KRT36: variants seen among roughly 807,000 people sequenced by gnomAD.
The protein encoded by KRT36 is keratin 36, also known as keratin, type I cuticular Ha6.
Under a neutral mutation model 43.0 loss-of-function variants are expected in KRT36, and 41 were observed. The observed-to-expected ratio is 0.95, with a 90% CI of 0.74 to 1.24. The LOEUF is 1.24. Ranked by LOEUF, KRT36 falls within the 50% of genes most tolerant of loss-of-function variation. KRT36 has a pLI of 0.00. For synonymous variants in KRT36, 277 were observed against 252.9 expected, an observed-to-expected ratio of 1.10 and a Z score of -0.90; for missense variants, 627 against 595.3, an observed-to-expected ratio of 1.05 and a Z score of -0.55.
At chr17:41,487,830 AC>A in intron 3 of KRT36, 93 bp from the exon 4 acceptor site, 1 of 1,273,242 alleles carries the variant, frequency 7.9e-7, no homozygotes, top group Non-Finnish European at 1.1e-6. Context: ...TCCCTCAGTC[AC>A]CAGCTGCATA....
At position 41,487,751 on chromosome 17, in the gene KRT36, G is replaced by A. The variant is rs752102922; in HGVS notation, c.700-14C>T. 6 of 1,597,638 alleles carry A rather than the reference G, an allele frequency of 3.8e-6. No individual in the cohort carries two copies. The African/African-American group carries it at 5.4e-5, about 14-fold the overall frequency. ...TACACTGACTTCCTGCAGAGAGGAG[G>A]CAAGACGGCATGAGGTTGTGAAAAA... On this transcript the variant is annotated splice_polypyrimidine_tract_variant and intron_variant, in intron 3 of 6. Coordinates refer to ENST00000328119, the MANE Select transcript of KRT36 (RefSeq NM_003771.5).
At chr17:41,488,166 A>G (rs775122417) in intron 3 of KRT36, 77 bp downstream of exon 3, 61 of 1,433,012 alleles carry the variant, frequency 4.3e-5, no homozygotes, top group Middle Eastern at 4.9e-4. Flanking sequence ...TTCCTGCCGC[A>G]CAGAAAACTG....
Position 41,488,336 on chromosome 17 carries a change from G to A in KRT36, c.606C>T (p.Ile202=), listed in dbSNP as rs529638648. 6 of 1,614,132 alleles carry A rather than the reference G, an allele frequency of 3.7e-6. No homozygotes were observed. In the East Asian group the frequency reaches 8.9e-5, roughly 24 times the overall value. Residue 202 remains isoleucine (I), a synonymous_variant, in exon 3 of 7, where the codon ATC becomes ATT. Coordinates refer to ENST00000328119, the MANE Select transcript of KRT36 (RefSeq NM_003771.5). The part of the protein sequence containing the change: ...VEADINGLRR[I]LDELTLCKAD... ...CCTTGCACAGGGTCAGCTCATCCAG[G>A]ATCCTACGCAGGCCGTTGATGTCGG...
chr17:41,487,675 G>A lies in KRT36; in HGVS notation c.762C>T (p.Pro254=), dbSNP rs1274697338. 1.2e-6 allele frequency: 2 copies of A among 1,614,166 alleles called. No homozygotes were observed. The highest frequency in any genetic ancestry group is 2.2e-5 in the East Asian group (1 of 44,880). Residue 254 remains proline (P), a synonymous_variant, in exon 4 of 7, where the codon CCC becomes CCT. Transcript: ENST00000328119. ...DRLNVEVDAA[P]PVDLNKILED... ...CCAGGATCTTGTTGAGATCCACTGG[G>A]GGAGCAGCGTCCACCTCCACATTCA...
At chr17:41,487,797 A>G in intron 3 of KRT36, 60 bp from the exon 4 acceptor site, 3 of 1,529,168 alleles carry the variant, frequency 2.0e-6, no homozygotes, top group Non-Finnish European at 2.7e-6. Flanking sequence ...TGCAGGTTTC[A>G]ATGACCTGAA....
At position 41,488,290 on chromosome 17, in the gene KRT36, C is replaced by T; in HGVS notation, c.652G>A (p.Glu218Lys). 1.2e-6 allele frequency: 2 copies of T among 1,614,186 alleles called. No homozygotes were observed. Among genetic ancestry groups the T allele is most frequent in the Non-Finnish European group, 1.7e-6 (2 of 1,180,018 alleles). The change falls in exon 3 of 7, where the codon GAG becomes AAG. Residue 218 changes from glutamate (E) to lysine (K), a missense_variant. Transcript: ENST00000328119. Reference protein sequence around the residue: ...LCKADLEAQVESLKEELMCLK... With the variant: ...LCKADLEAQVKSLKEELMCLK... ...CACATCAGCTCCTCCTTCAGGGACT[C>T]CACCTGAGCCTCCAGGTCAGCCTTG...
chr17:41,488,187 A>AGT (rs1904457709), intron 3 of KRT36, 56 bp downstream of exon 3: 1 of 1,555,878 alleles, frequency 6.4e-7, no homozygotes, highest in South Asian at 1.2e-5. Context: ...AAAGCCCAGC[A>AGT]GTGGCTTCCT....
chr17:41,488,192 C>T (rs773294049), intron 3 of KRT36, 51 bp downstream of exon 3: 1 of 1,575,410 alleles, frequency 6.3e-7, no homozygotes, highest in African/African-American at 1.4e-5. Flanking sequence ...CCAGCAGTGG[C>T]TTCCTAAGCT....
At position 41,487,630 on chromosome 17, in the gene KRT36, G is replaced by A. The variant is rs377260475; in HGVS notation, c.807C>T (p.Tyr269=). The change falls in exon 4 of 7, where the codon TAC becomes TAT. Residue 269 remains tyrosine, a synonymous_variant. Transcript: ENST00000328119. ...TGCGGTTATTCTCCACCAGGGCCTC[G>A]TACTGGCATCTCATATCCTCCAGGA... ...NKILEDMRCQ[Y]EALVENNRRD... 65 of 1,614,038 alleles carry A rather than the reference G, an allele frequency of 4.0e-5. No homozygotes were observed. The highest frequency in any genetic ancestry group is 5.3e-5 in the African/African-American group (4 of 74,914).
intron 1 of KRT36, among the ~76,000 whole-genome samples, chr17:41,489,172 C>T (rs1197780594): frequency 6.6e-6 from 1 of 152,186 alleles, no homozygotes; most frequent in Non-Finnish European, 1.5e-5. Context: ...GTACATGTTC[C>T]TTCCCTTCCT....
At chr17:41,489,281 G>A in intron 1 of KRT36, 125 bp downstream of exon 1, 1 of 1,043,686 alleles carries the variant, frequency 9.6e-7, no homozygotes, top group Non-Finnish European at 1.4e-6. Context: ...GCCCTAGAGA[G>A]AAAAGTTTGC....
Position 41,488,365 on chromosome 17 carries a change from C to G in KRT36, c.577G>C (p.Glu193Gln), listed in dbSNP as rs1457299861. 8.1e-6 allele frequency: 13 copies of G among 1,614,196 alleles called. No homozygotes were observed. Among genetic ancestry groups the G allele is most frequent in the Non-Finnish European group, 1.1e-5 (13 of 1,180,018 alleles). The change falls in exon 3 of 7, where the codon GAG (glutamate) becomes CAG (glutamine). Residue 193 changes from glutamate to glutamine, a missense_variant. Coordinates refer to ENST00000328119, the MANE Select transcript of KRT36 (RefSeq NM_003771.5). The stretch of plus-strand genomic sequence containing the variant: ...CTACGCAGGCCGTTGATGTCGGCCT[C>G]CACTAGCTGCCGCAGAGACAGCTCT... ...ETELSLRQLV[E>Q]ADINGLRRIL...
chr17:41,488,515 C>T, intron 2 of KRT36, 116 bp from the exon 3 acceptor site: 2 of 1,501,368 alleles, frequency 1.3e-6, no homozygotes, highest in Non-Finnish European at 1.8e-6. Flanking sequence ...ACACTCCTTT[C>T]CCCTGAGGTC....
In KRT36 at chr17:41,487,456, C is replaced by T; in HGVS notation, c.882G>A (p.Gln294=). 1 of 1,614,206 alleles carries T rather than the reference C, an allele frequency of 6.2e-7. No homozygotes were observed. ...FNTQTEELNQ[Q]VVSSSEQLQC... is the part of the protein sequence containing the mutation. ...GCAGCTGCTCCGAGCTGGACACCAC[C>T]TGCTGGTTCAGCTCCTCAGTCTGAA... The change falls in exon 5 of 7, where the codon CAG becomes CAA. Residue 294 remains glutamine (Q), a synonymous_variant. Coordinates refer to ENST00000328119, the MANE Select transcript of KRT36 (RefSeq NM_003771.5).
chr17:41,489,741 G>A lies in KRT36; in HGVS notation c.124C>T (p.Leu42Phe). 1.2e-6 allele frequency: 2 copies of A among 1,614,064 alleles called. No individual in the cohort carries two copies. Among genetic ancestry groups the A allele is most frequent in the East Asian group, 4.5e-5 (2 of 44,864 alleles). Residue 42 changes from leucine (L) to phenylalanine (F), a missense_variant, in exon 1 of 7, where the codon CTC becomes TTC. By Grantham distance (22) the Leu-to-Phe change is conservative (BLOSUM62 0). Coordinates refer to ENST00000328119, the MANE Select transcript of KRT36 (RefSeq NM_003771.5). ...GAGATGTACCCTGCAGCACCGGCGA[G>A]ACTGGGGACCCTGCAGGAGCCCACA... ...RSVGSCRVPSLAGAAGYISSA... is the reference protein window; with the variant it reads ...RSVGSCRVPSFAGAAGYISSA...
In KRT36 at chr17:41,486,803, A is replaced by G. The variant is rs554396972; in HGVS notation, c.1208+147T>C. On this transcript the variant is annotated intron_variant, in intron 6 of 6. Coordinates refer to ENST00000328119, the MANE Select transcript of KRT36 (RefSeq NM_003771.5). ...GTTGGGTTGGATTCTCCCGCTGTGC[A>G]TTACCAAAGCCTGGGACTAAATGGA... 22 of 785,380 alleles carry G rather than the reference A, an allele frequency of 2.8e-5. No individual in the cohort carries two copies. The African/African-American group carries it at 3.7e-4, about 13-fold the overall frequency. The allele number at this position is 785,380 out of a possible 1,614,324, so 48.7% of individuals were successfully genotyped here.
rs554898299 is a variant in KRT36 at position 41,488,115 on chromosome 17, G to A, written c.699+128C>T. On this transcript the variant is annotated intron_variant, in intron 3 of 6. Coordinates refer to ENST00000328119, the MANE Select transcript of KRT36 (RefSeq NM_003771.5). ...TTATAATTCTTGGGATTATTGTAAGGATGAAATGAAACGAGAATGAAATGC... is the reference window on the plus strand; with the variant it reads ...TTATAATTCTTGGGATTATTGTAAGAATGAAATGAAACGAGAATGAAATGC... The A allele has an allele frequency of 9.7e-6, 9 of 926,732 alleles. No homozygotes were observed. The African/African-American group carries it at 1.2e-4, about 12-fold the overall frequency. The allele number at this position is 926,732 out of a possible 1,614,324, so 57.4% of individuals were successfully genotyped here.
rs773183943 is a variant in KRT36 at position 41,487,561 on chromosome 17, G to A, written c.861+15C>T. On this transcript the variant is annotated intron_variant, in intron 4 of 6. Transcript: ENST00000328119. ...CAGCCCAGGAGCCTGTGGTCCCAGG[G>A]CACCCCAGCCCCACCTGGGTGTTGA... is the stretch of plus-strand genomic sequence containing the variant. 6.2e-6 allele frequency: 10 copies of A among 1,613,264 alleles called. No homozygotes were observed. Among genetic ancestry groups the A allele is most frequent in the Middle Eastern group, 1.7e-4 (1 of 6,056 alleles).
chr17:41,488,379 A>T lies in KRT36; in HGVS notation c.563T>A (p.Leu188Gln). The part of the protein sequence containing the change: ...FRTKYETELS[L>Q]RQLVEADING... ...GATGTCGGCCTCCACTAGCTGCCGC[A>T]GAGACAGCTCTGTCTCATACCTGCA... The change falls in exon 3 of 7, where the codon CTG becomes CAG. Residue 188 changes from leucine to glutamine, a missense_variant. By Grantham distance (113) the Leu-to-Gln change is moderately radical. Transcript: ENST00000328119. 1.9e-6 allele frequency: 3 copies of T among 1,614,174 alleles called. No individual in the cohort carries two copies. The highest frequency in any genetic ancestry group is 2.5e-6 in the Non-Finnish European group (3 of 1,180,016).
Sources: gnomAD v4.1 joint callset for allele counts (sites outside exome capture counted in the v4.1 genomes callset) on GRCh38, gnomAD v4.1.1 for gene constraint, MANE v1.5 for transcripts, NCBI Gene and HGNC (gene_info 2026-07-23, HGNC 2026-07-21) for gene names.